The following CALN1 variants were observed in gnomAD, a reference collection of about 807,000 sequenced individuals.
The protein encoded by CALN1 is calneuron 1.
CALN1 carries 17 observed loss-of-function variants against 30.6 expected under a neutral mutation model. The ratio of observed to expected loss-of-function variants is 0.56; its 90% confidence interval spans 0.38 to 0.83. CALN1 has a LOEUF of 0.83. Ranked by LOEUF, CALN1 falls within the 40% of genes least tolerant of loss-of-function variation. The pLI, the probability that CALN1 is intolerant of heterozygous loss-of-function variation, is 0.00. For missense variants in CALN1, 291 were observed against 354.9 expected, an observed-to-expected ratio of 0.82 and a Z score of 1.45; for synonymous variants, 156 against 131.4, an observed-to-expected ratio of 1.19 and a Z score of -1.28.
At chr7:72,326,971 C>G (rs919815857) in intron 2 of CALN1, among the ~76,000 whole-genome samples, 2 of 152,168 alleles carry the variant, frequency 1.3e-5, no homozygotes, top group Non-Finnish European at 2.9e-5. Flanking sequence ...CATATTCATT[C>G]TTTTCACCAC....
chr7:72,337,126 G>A (rs1245214177), intron 2 of CALN1: 1 of 985,760 alleles, frequency 1.0e-6, no homozygotes, highest in African/African-American at 1.7e-5. Context: ...GAGCCCAGTG[G>A]CCGAGGCCCC....
At chr7:71,982,821 TAGAA>T (rs1417166615) in intron 5 of CALN1, among the ~76,000 whole-genome samples, 1 of 151,996 alleles carries the variant, frequency 6.6e-6, no homozygotes, top group Non-Finnish European at 1.5e-5. Context: ...GCTGCAGACA[TAGAA>T]AGGCAGGCCA....
At chr7:72,228,700 T>C (rs1202422206) in intron 3 of CALN1, among the ~76,000 whole-genome samples, 1 of 151,748 alleles carries the variant, frequency 6.6e-6, no homozygotes, top group African/African-American at 2.4e-5. Context: ...GGGCCTGGAA[T>C]ACAGCAAGCA....
In CALN1 at chr7:72,205,551, A is replaced by AAATATATACATATATACAT; in HGVS notation, c.244+73134_244+73135insATGTATATATGTATATATT. Among the ~76,000 whole-genome samples, 6 of 83,044 alleles carry AAATATATACATATATACAT rather than the reference A, an allele frequency of 7.2e-5. 1 individual carries two copies. The highest frequency in any genetic ancestry group is 4.2e-4 in the Admixed American group (3 of 7,124). The allele number at this position is 83,044 out of a possible 152,430, so 54.5% of individuals were successfully genotyped here. On this transcript the variant is annotated intron_variant, in intron 3 of 6. Transcript: ENST00000395275. ...ATTTTTCTCCTGATTGCAAAAAAAA[A>AAATATATACATATATACAT]ATATATATATATATATGTATATATA...
At chr7:72,260,934 G>T (rs1360254236) in intron 3 of CALN1, among the ~76,000 whole-genome samples, 1 of 152,118 alleles carries the variant, frequency 6.6e-6, no homozygotes, top group African/African-American at 2.4e-5. Context: ...GTTGAGGTCT[G>T]CAACATACCC....
chr7:72,044,395 G>C (rs946285809), intron 4 of CALN1, among the ~76,000 whole-genome samples: 8 of 151,922 alleles, frequency 5.3e-5, no homozygotes, highest in African/African-American at 1.9e-4. Context: ...GGAGATGGGG[G>C]ATGAGCAAGG....
At chr7:72,010,582 T>C (rs549110818) in intron 5 of CALN1, among the ~76,000 whole-genome samples, 17 of 152,044 alleles carry the variant, frequency 1.1e-4, no homozygotes, top group African/African-American at 4.1e-4. Flanking sequence ...GAGGCCGAGG[T>C]GGGCGAATCA....
the CALN1 span, among the ~76,000 whole-genome samples, chr7:72,484,202 A>G: frequency 2.0e-5 from 3 of 152,092 alleles, no homozygotes; most frequent in Non-Finnish European, 4.4e-5. Context: ...TAGATTGGAT[A>G]TGAGTTCATA....
intron 6 of CALN1, among the ~76,000 whole-genome samples, chr7:71,802,082 C>T (rs1787345610): frequency 6.6e-6 from 1 of 152,148 alleles, no homozygotes; most frequent in Admixed American, 6.5e-5. Flanking sequence ...CGTGACAGTT[C>T]TCTTCCACCC....
At chr7:72,161,970 C>T (rs377344435) in intron 3 of CALN1, among the ~76,000 whole-genome samples, 1 of 150,952 alleles carries the variant, frequency 6.6e-6, no homozygotes, top group African/African-American at 2.4e-5. Context: ...GTCATGGAGG[C>T]AAATCTAGGA....
chr7:72,339,934 G>GAC (rs1159786121), intron 2 of CALN1, among the ~76,000 whole-genome samples: 1 of 152,166 alleles, frequency 6.6e-6, no homozygotes, highest in Non-Finnish European at 1.5e-5. Flanking sequence ...TTTGGGTGGG[G>GAC]ACACAGTCAA....
At chr7:72,271,059 T>C (rs1418241963) in intron 3 of CALN1, among the ~76,000 whole-genome samples, 1 of 152,214 alleles carries the variant, frequency 6.6e-6, no homozygotes, top group Non-Finnish European at 1.5e-5. Context: ...ACAAGGATGA[T>C]TCCCAGATGA....
At chr7:71,891,257 C>G (rs187502787) in intron 5 of CALN1, among the ~76,000 whole-genome samples, 14 of 152,308 alleles carry the variant, frequency 9.2e-5, no homozygotes, top group Admixed American at 9.2e-4. Context: ...TTGTCCACAG[C>G]TCTTGCTTCC....
intron 2 of CALN1, among the ~76,000 whole-genome samples, chr7:72,383,251 C>T (rs1805018512): frequency 6.6e-6 from 1 of 152,132 alleles, no homozygotes; most frequent in East Asian, 1.9e-4. Context: ...CCTGGCAGAA[C>T]AATTTATTTT....
At chr7:71,808,141 C>A (rs1787729534) in intron 6 of CALN1, among the ~76,000 whole-genome samples, 1 of 151,966 alleles carries the variant, frequency 6.6e-6, no homozygotes, top group East Asian at 1.9e-4. Flanking sequence ...GGTTAGGTAC[C>A]TAACCATGGT....
intron 2 of CALN1, among the ~76,000 whole-genome samples, chr7:72,352,187 A>AAAC (rs1802958887): frequency 1.4e-5 from 2 of 145,434 alleles, no homozygotes; most frequent in Non-Finnish European, 3.0e-5. Flanking sequence ...AACAAACAAA[A>AAAC]AAAACCACTT....
At chr7:72,111,373 G>C (rs1256385800) in intron 3 of CALN1, among the ~76,000 whole-genome samples, 2 of 152,226 alleles carry the variant, frequency 1.3e-5, no homozygotes, top group African/African-American at 4.8e-5. Context: ...TCCCTAAAGG[G>C]AAGCAGAGAG....
intron 2 of CALN1, among the ~76,000 whole-genome samples, chr7:72,338,525 G>GTC (rs1554378748): frequency 0.014 from 1,731 of 122,342 alleles, 106 homozygotes; most frequent in African/African-American, 0.02. Flanking sequence ...GTGTGTGTGT[G>GTC]TGTCTCACCT....
intron 5 of CALN1, among the ~76,000 whole-genome samples, chr7:71,874,103 C>T (rs1297981283): frequency 6.6e-6 from 1 of 151,822 alleles, no homozygotes; most frequent in Non-Finnish European, 1.5e-5. Context: ...GGTGACATCC[C>T]ATCTCTACTA....
Sources: allele counts gnomAD v4.1 joint callset (sites outside exome capture counted in the v4.1 genomes callset), GRCh38; gene constraint gnomAD v4.1.1; transcripts MANE v1.5; gene names NCBI Gene and HGNC (gene_info 2026-07-23, HGNC 2026-07-21).